Variants in PI4KA observed in about 807,000 individuals in gnomAD.
The protein encoded by PI4KA is phosphatidylinositol 4-kinase alpha, also known as PI4-kinase alpha.
In PI4KA, 122 loss-of-function variants were observed where a neutral mutation model predicts 271.4. The observed-to-expected ratio is 0.45, with a 90% CI of 0.39 to 0.52. PI4KA has a LOEUF of 0.52. Ranked by LOEUF, PI4KA falls within the 20% of genes least tolerant of loss-of-function variation. The pLI, the probability that PI4KA is intolerant of heterozygous loss-of-function variation, is 0.00. For missense variants in PI4KA, 1,969 were observed against 2,769.1 expected (o/e 0.71, Z 6.48); for synonymous variants, 1,041 against 1,078.8 (o/e 0.96, Z 0.69).
Position 20,712,700 on chromosome 22 carries a change from G to T in PI4KA, c.5669C>A (p.Ala1890Asp), listed in dbSNP as rs1200195440. Residue 1890 changes from alanine to aspartate, a missense_variant, in exon 49 of 55, where the codon GCC becomes GAC. This residue lies in a region of PI4KA where 110 missense variants were observed against 349.8 expected (regional missense o/e 0.31). Coordinates refer to ENST00000255882, the MANE Select transcript of PI4KA (RefSeq NM_058004.4). ...FVFPYRVVAT[A>D]PGCGVIECIP... is the part of the protein sequence containing the mutation. Reference sequence around the variant, plus strand: ...TCCACTCAGGGAACTTACCCCAGGGGCAGTGGCCACCACGCGGTAGGGAAA... The same window carrying T: ...TCCACTCAGGGAACTTACCCCAGGGTCAGTGGCCACCACGCGGTAGGGAAA... The T allele has an allele frequency of 7.1e-6, 11 of 1,551,464 alleles. No homozygotes were observed. The highest frequency in any genetic ancestry group is 9.6e-6 in the Non-Finnish European group (11 of 1,146,974).
rs1482252693 is a variant in PI4KA at position 20,801,015 on chromosome 22, C to T, written c.1724+958G>A. Among the ~76,000 whole-genome samples, 6 of 149,996 alleles carry T rather than the reference C, an allele frequency of 4.0e-5. No homozygotes were observed. In the East Asian group the frequency reaches 8.5e-4, roughly 21 times the overall value. ...AAGTGATTCTCCTGCCTCAGCCTCC[C>T]GAGTAGCTGGGATTACAGGCACGTG... On this transcript the variant is annotated intron_variant, in intron 14 of 54. Coordinates refer to ENST00000255882, the MANE Select transcript of PI4KA (RefSeq NM_058004.4).
At chr22:20,710,363 A>G (rs528003775) in intron 52 of PI4KA, 2 of 529,828 alleles carry the variant, frequency 3.8e-6, no homozygotes, top group Non-Finnish European at 6.8e-6. Context: ...TGACCTGTAT[A>G]TGAAACTGGG....
At chr22:20,857,680 G>A (rs1299169817) in intron 1 of PI4KA, among the ~76,000 whole-genome samples, 1 of 152,134 alleles carries the variant, frequency 6.6e-6, no homozygotes, top group Non-Finnish European at 1.5e-5. Context: ...CTTTATGCTA[G>A]AACTCATTTA....
chr22:20,738,438 T>C (rs1928991334), intron 32 of PI4KA, among the ~76,000 whole-genome samples: 1 of 152,216 alleles, frequency 6.6e-6, no homozygotes, highest in Admixed American at 6.5e-5. Flanking sequence ...TCATGAATCT[T>C]TCCCCTCTCA....
Position 20,858,797 on chromosome 22 carries a change from G to C in PI4KA, c.-72C>G, listed in dbSNP as rs16986631. 26 of 1,363,982 alleles carry C rather than the reference G, an allele frequency of 1.9e-5. 1 individual carries two copies. The highest frequency in any genetic ancestry group is 2.2e-5 in the Non-Finnish European group (23 of 1,057,674). 84.5% of individuals were successfully genotyped at this position (1,363,982 alleles called of 1,614,324 possible). A position where few individuals can be genotyped will look rare whatever the true frequency, so the allele number is the denominator to read the frequency against. ...CGCGAGCGCCCGACCTCAGGGCGCA[G>C]GCGTAGGTGCATCCGGCTTTCCCGC... On this transcript the variant is annotated 5_prime_UTR_variant, in exon 1 of 55. Coordinates refer to ENST00000255882, the MANE Select transcript of PI4KA (RefSeq NM_058004.4).
chr22:20,802,038 C>T lies in PI4KA; in HGVS notation c.1659G>A (p.Ser553=), dbSNP rs780275254. The T allele has an allele frequency of 4.3e-6, 7 of 1,613,900 alleles. No homozygotes were observed. Among genetic ancestry groups the T allele is most frequent in the East Asian group, 2.2e-5 (1 of 44,892 alleles). ...ACATGGAGGGCTGGCTCTTCTTACCCGACATGACGTTCAGGGTTGACTCGG... is the reference window on the plus strand; with the variant it reads ...ACATGGAGGGCTGGCTCTTCTTACCTGACATGACGTTCAGGGTTGACTCGG... ...EHSESTLNVM[S]GKKSQPSMYE... is the part of the protein sequence containing the mutation. Residue 553 remains serine (S), a synonymous_variant, in exon 14 of 55, where the codon TCG becomes TCA. Transcript: ENST00000255882.
chr22:20,824,732 TCACACACACA>T (rs361914), intron 3 of PI4KA, among the ~76,000 whole-genome samples: 2,516 of 136,264 alleles, frequency 0.018, 96 homozygotes, highest in Admixed American at 0.092. Flanking sequence ...ATGTGATAAA[TCACACACACA>T]CACACACACA....
At chr22:20,832,406 C>A (rs964007979) in intron 3 of PI4KA, among the ~76,000 whole-genome samples, 2 of 151,240 alleles carry the variant, frequency 1.3e-5, no homozygotes, top group Admixed American at 6.6e-5. Flanking sequence ...TGAGCCACTG[C>A]GCCCAGCCGA....
chr22:20,724,494 G>A (rs1461142124), intron 42 of PI4KA, among the ~76,000 whole-genome samples: 2 of 151,894 alleles, frequency 1.3e-5, no homozygotes, highest in Non-Finnish European at 2.9e-5. Context: ...TTCAATCCCA[G>A]CTACTTGGGA....
chr22:20,772,456 G>C (rs1050209758), intron 19 of PI4KA, among the ~76,000 whole-genome samples: 1 of 152,240 alleles, frequency 6.6e-6, no homozygotes, highest in Non-Finnish European at 1.5e-5. Context: ...TGAAGACTCA[G>C]TATTGTATGT....
intron 19 of PI4KA, among the ~76,000 whole-genome samples, chr22:20,772,362 G>T (rs1932913791): frequency 6.6e-6 from 1 of 152,222 alleles, no homozygotes; most frequent in Non-Finnish European, 1.5e-5. Flanking sequence ...GGCTTTGCAT[G>T]TGTGAGAACA....
At chr22:20,776,020 C>T (rs1395424323) in intron 19 of PI4KA, among the ~76,000 whole-genome samples, 1 of 152,154 alleles carries the variant, frequency 6.6e-6, no homozygotes, top group East Asian at 1.9e-4. Context: ...CAGCTACATA[C>T]ATTAGAAATC....
intron 19 of PI4KA, chr22:20,779,776 C>A: frequency 6.2e-7 from 1 of 1,614,184 alleles, no homozygotes; most frequent in South Asian, 1.1e-5. Flanking sequence ...TTCATAGCAC[C>A]CGTTGGCATT....
intron 19 of PI4KA, among the ~76,000 whole-genome samples, chr22:20,790,213 G>A (rs1293300967): frequency 6.6e-6 from 1 of 152,110 alleles, no homozygotes. Context: ...CTCCCTCAAA[G>A]TCACTGAGAA....
In PI4KA at chr22:20,803,084, T is replaced by C. The variant is rs2147609375; in HGVS notation, c.1591+107A>G. 3.6e-6 allele frequency: 4 copies of C among 1,112,564 alleles called. No individual in the cohort carries two copies. The East Asian group carries it at 7.2e-5, about 20-fold the overall frequency. The allele number at this position is 1,112,564 out of a possible 1,614,324, so 68.9% of individuals were successfully genotyped here. A position where few individuals can be genotyped will look rare whatever the true frequency, so the allele number is the denominator to read the frequency against. ...GCAAAGGGAAAGACAGAAGGAAAGGTGTGGCGAAGGAATGCACCCAGGTAC... is the reference window on the plus strand; with the variant it reads ...GCAAAGGGAAAGACAGAAGGAAAGGCGTGGCGAAGGAATGCACCCAGGTAC... On this transcript the variant is annotated intron_variant, in intron 13 of 54. Coordinates refer to ENST00000255882, the MANE Select transcript of PI4KA (RefSeq NM_058004.4).
chr22:20,850,960 C>T (rs1219023821), intron 1 of PI4KA, among the ~76,000 whole-genome samples: 1 of 151,940 alleles, frequency 6.6e-6, no homozygotes, highest in Non-Finnish European at 1.5e-5. Flanking sequence ...CAGGAGGATC[C>T]CTCAAACCAA....
At position 20,714,529 on chromosome 22, in the gene PI4KA, C is replaced by G. The variant is rs1307642305; in HGVS notation, c.5391-1G>C. ...GGCCAGATATGGGGCTTTTGCAGCACTGAAAACAACAAAAAGAATGTGGCA... is the reference window on the plus strand; with the variant it reads ...GGCCAGATATGGGGCTTTTGCAGCAGTGAAAACAACAAAAAGAATGTGGCA... On this transcript the variant is annotated splice_acceptor_variant, in intron 46 of 54. Transcript: ENST00000255882. LOFTEE classifies it high-confidence loss of function. 6.2e-7 allele frequency: 1 copy of G among 1,613,766 alleles called. No homozygotes were observed. The highest frequency in any genetic ancestry group is 2.2e-5 in the East Asian group (1 of 44,886).
intron 19 of PI4KA, chr22:20,779,695 T>C (rs767698585): frequency 1.2e-6 from 2 of 1,614,214 alleles, no homozygotes; most frequent in Admixed American, 3.3e-5. Flanking sequence ...CGTCTTAACA[T>C]CCTCAACGCC....
intron 43 of PI4KA, among the ~76,000 whole-genome samples, chr22:20,719,957 C>T (rs1014013644): frequency 7.5e-6 from 1 of 132,746 alleles, no homozygotes; most frequent in Non-Finnish European, 1.5e-5. Context: ...ACCTGGGAGG[C>T]GGAGCTTGCA....
Sources: allele counts gnomAD v4.1 joint callset (sites outside exome capture counted in the v4.1 genomes callset), GRCh38; gene constraint gnomAD v4.1.1; regional missense constraint gnomAD v4.1.1; transcripts MANE v1.5; gene names NCBI Gene and HGNC (gene_info 2026-07-23, HGNC 2026-07-21).